The following TMC1 variants were observed in gnomAD, a reference collection of about 807,000 sequenced individuals.
TMC1 encodes transmembrane channel-like protein 1.
In TMC1, 84 loss-of-function variants were observed where a neutral mutation model predicts 105.8. The observed-to-expected ratio is 0.79, with a 90% CI of 0.67 to 0.95. The LOEUF (loss-of-function observed/expected upper bound fraction) is 0.95. Ranked by LOEUF, TMC1 falls within the 40% of genes least tolerant of loss-of-function variation. The pLI, the probability that TMC1 is intolerant of heterozygous loss-of-function variation, is 0.00. For synonymous variants in TMC1, 315 were observed against 311.5 expected, an observed-to-expected ratio of 1.01 and a Z score of -0.12; for missense variants, 817 against 914.1, an observed-to-expected ratio of 0.89 and a Z score of 1.37.
chr9:72,717,813 G>C (rs1253882988), intron 8 of TMC1, among the ~76,000 whole-genome samples: 1 of 152,128 alleles, frequency 6.6e-6, no homozygotes, highest in African/African-American at 2.4e-5. Flanking sequence ...GGTGTTCGTT[G>C]AACTTCTTGT....
intron 1 of TMC1, among the ~76,000 whole-genome samples, chr9:72,553,260 A>C (rs1247377255): frequency 6.6e-6 from 1 of 152,172 alleles, no homozygotes; most frequent in Non-Finnish European, 1.5e-5. Flanking sequence ...GGCGTGAGTC[A>C]CCAAGCCTGG....
intron 1 of TMC1, among the ~76,000 whole-genome samples, chr9:72,575,502 T>C (rs1824364821): frequency 6.6e-6 from 1 of 152,152 alleles, no homozygotes; most frequent in Admixed American, 6.5e-5. Flanking sequence ...AAAGATTAAA[T>C]ACCATGTCGT....
At chr9:72,688,885 C>T in intron 6 of TMC1, 129 bp downstream of exon 6, 1 of 807,210 alleles carries the variant, frequency 1.2e-6, no homozygotes, top group Non-Finnish European at 2.1e-6. Flanking sequence ...TTCATGGTCT[C>T]ACAGGAGGAA....
chr9:72,809,857 T>C (rs554947894), intron 18 of TMC1, among the ~76,000 whole-genome samples: 6 of 152,292 alleles, frequency 3.9e-5, no homozygotes, highest in South Asian at 2.1e-4. Flanking sequence ...CAGTTCCTCA[T>C]ACTCTTCACC....
chr9:72,579,219 C>T (rs919278991), intron 2 of TMC1, among the ~76,000 whole-genome samples: 1 of 152,138 alleles, frequency 6.6e-6, no homozygotes, highest in Non-Finnish European at 1.5e-5. Flanking sequence ...TAATATACTC[C>T]CCTTTCTTAT....
At chr9:72,785,129 T>G (rs1828149727) in intron 13 of TMC1, among the ~76,000 whole-genome samples, 1 of 152,092 alleles carries the variant, frequency 6.6e-6, no homozygotes, top group Non-Finnish European at 1.5e-5. Flanking sequence ...ATTAAAAAAA[T>G]TATCTGGGGG....
intron 1 of TMC1, among the ~76,000 whole-genome samples, chr9:72,542,939 A>G (rs1823702999): frequency 1.3e-5 from 2 of 151,938 alleles, no homozygotes; most frequent in Non-Finnish European, 2.9e-5. Flanking sequence ...TTGGCCTCCC[A>G]AAGTGCTGGG....
intron 1 of TMC1, among the ~76,000 whole-genome samples, chr9:72,549,519 T>C (rs1054197157): frequency 2.0e-5 from 3 of 152,018 alleles, no homozygotes; most frequent in Non-Finnish European, 4.4e-5. Context: ...CTCCACTCAG[T>C]GCAACCTCCG....
At chr9:72,566,479 G>A (rs1265504647) in intron 1 of TMC1, among the ~76,000 whole-genome samples, 1 of 142,552 alleles carries the variant, frequency 7.0e-6, no homozygotes, top group Non-Finnish European at 1.5e-5. Context: ...GGGTGGGTGG[G>A]AAGGTGAGGA....
chr9:72,833,180 A>G (rs1239389569), intron 23 of TMC1, among the ~76,000 whole-genome samples: 1 of 152,188 alleles, frequency 6.6e-6, no homozygotes. Flanking sequence ...GCCAGTATAC[A>G]TTATTATGGA....
intron 3 of TMC1, among the ~76,000 whole-genome samples, chr9:72,618,282 C>T (rs774022313): frequency 6.6e-6 from 1 of 151,972 alleles, no homozygotes; most frequent in Non-Finnish European, 1.5e-5. Context: ...CATGGCCTCC[C>T]AAAGTGCTGG....
At chr9:72,702,886 G>A (rs1429822544) in intron 8 of TMC1, among the ~76,000 whole-genome samples, 4 of 152,084 alleles carry the variant, frequency 2.6e-5, no homozygotes, top group African/African-American at 9.7e-5. Context: ...GGGAGAGATA[G>A]GCATTAGCAT....
At chr9:72,673,419 G>A (rs1316180203) in intron 5 of TMC1, among the ~76,000 whole-genome samples, 3 of 152,064 alleles carry the variant, frequency 2.0e-5, no homozygotes, top group Non-Finnish European at 2.9e-5. Flanking sequence ...CCCAAAACTT[G>A]TTATTATACA....
intron 1 of TMC1, among the ~76,000 whole-genome samples, chr9:72,523,861 A>G (rs972928953): frequency 6.6e-6 from 1 of 152,240 alleles, no homozygotes; most frequent in African/African-American, 2.4e-5. Flanking sequence ...GGCCTGAAAC[A>G]GCATATTATA....
At chr9:72,586,555 T>C (rs1186300896) in intron 2 of TMC1, among the ~76,000 whole-genome samples, 1 of 152,182 alleles carries the variant, frequency 6.6e-6, no homozygotes, top group Non-Finnish European at 1.5e-5. Context: ...ACACCCTACG[T>C]GCGAAGGTTG....
chr9:72,668,853 C>G (rs1826083930), intron 5 of TMC1, among the ~76,000 whole-genome samples: 1 of 152,058 alleles, frequency 6.6e-6, no homozygotes, highest in East Asian at 1.9e-4. Flanking sequence ...TTATAACTGC[C>G]AGGGTCAAGC....
chr9:72,788,355 G>T lies in TMC1; in HGVS notation c.901G>T (p.Gly301Cys), dbSNP rs770320624. The change falls in exon 14 of 24, where the codon GGT (glycine) becomes TGT (cysteine). Residue 301 changes from glycine (G) to cysteine (C), a missense_variant. Physicochemically the swap from Gly to Cys is radical, Grantham distance 159. Transcript: ENST00000297784. Reference sequence around the variant, plus strand: ...TTTTTGCAGAATGACCAAAAACATTGGTGATGATGGAGGTGGAGATGACAA... The same window carrying T: ...TTTTTGCAGAATGACCAAAAACATTTGTGATGATGGAGGTGGAGATGACAA... The part of the protein sequence containing the change: ...VVLKAMTKNI[G>C]DDGGGDDNTF... 6.2e-7 allele frequency: 1 copy of T among 1,613,848 alleles called. No homozygotes were observed. The highest frequency in any genetic ancestry group is 8.5e-7 in the Non-Finnish European group (1 of 1,179,916).
chr9:72,535,285 C>T (rs974390094), intron 1 of TMC1, among the ~76,000 whole-genome samples: 8 of 152,180 alleles, frequency 5.3e-5, no homozygotes, highest in African/African-American at 1.9e-4. Flanking sequence ...GGAAACTCTC[C>T]CAGAGCTGCT....
intron 14 of TMC1, among the ~76,000 whole-genome samples, chr9:72,788,784 C>G (rs1164181142): frequency 1.3e-5 from 2 of 151,756 alleles, no homozygotes; most frequent in Non-Finnish European, 2.9e-5. Context: ...GAACAATGTT[C>G]ACTAATTATT....
Sources: gnomAD v4.1 joint callset for allele counts (sites outside exome capture counted in the v4.1 genomes callset) on GRCh38, gnomAD v4.1.1 for gene constraint, MANE v1.5 for transcripts, NCBI Gene and HGNC (gene_info 2026-07-23, HGNC 2026-07-21) for gene names.